The following XPOT variants were observed in gnomAD, a reference collection of about 807,000 sequenced individuals.
The protein encoded by XPOT is exportin-T.
A neutral mutation model predicts 128.2 loss-of-function variants in XPOT; 34 were observed. That is an observed-to-expected ratio of 0.27 (90% CI 0.20 to 0.35). XPOT has a LOEUF of 0.35. Among genes scored for constraint, XPOT ranks in the 10% least tolerant of loss-of-function variants. The pLI is 1.00. For missense variants in XPOT, 838 were observed against 1,125.3 expected (o/e 0.74, Z 3.65); for synonymous variants, 348 against 394.3 (o/e 0.88, Z 1.39).
intron 1 of XPOT, among the ~76,000 whole-genome samples, chr12:64,406,817 A>AG (rs1484325604): frequency 6.6e-6 from 1 of 152,158 alleles, no homozygotes; most frequent in Non-Finnish European, 1.5e-5. Context: ...CTTAACATTT[A>AG]GGGGGCGAAG....
intron 9 of XPOT, 57 bp downstream of exon 9, chr12:64,421,528 A>G: frequency 8.2e-7 from 1 of 1,215,458 alleles, no homozygotes. Context: ...GCCATGGAGA[A>G]GTGGAAAATA....
rs371344094 is a variant in XPOT, at chr12:64,425,428, G to A, written c.1543G>A (p.Val515Ile). 2 of 1,613,830 alleles carry A rather than the reference G, an allele frequency of 1.2e-6. No homozygotes were observed. Among genetic ancestry groups the A allele is most frequent in the African/African-American group, 2.7e-5 (2 of 74,908 alleles). Residue 515 changes from valine (V) to isoleucine (I), a missense_variant, in exon 14 of 25, where the codon GTT becomes ATT. This residue lies in a region of XPOT where 761 missense variants were observed against 988.3 expected (regional missense o/e 0.77). Transcript: ENST00000332707. Reference sequence around the variant, plus strand: ...TGTTAGATATGAAAAGTTTTTCACAGTTGAACCTCAGCACATTCCATGTGT... The same window carrying A: ...TGTTAGATATGAAAAGTTTTTCACAATTGAACCTCAGCACATTCCATGTGT... ...TVVRYEKFFT[V>I]EPQHIPCVLM...
chr12:64,428,114 T>G lies in XPOT; in HGVS notation c.1731T>G (p.Ser577=). 6.4e-7 allele frequency: 1 copy of G among 1,554,534 alleles called. No homozygotes were observed. The highest frequency in any genetic ancestry group is 8.9e-7 in the Non-Finnish European group (1 of 1,128,324). The change falls in exon 16 of 25, where the codon TCT becomes TCG. Residue 577 remains serine, a synonymous_variant. Transcript: ENST00000332707. ...LNRIQDLLEL[S]PPENGHQSLL... ...GAATACAAGATTTATTAGAGCTTTC[T>G]CCACCTGTAAGTATCTGTCTCTTTA... is the stretch of plus-strand genomic sequence containing the variant.
At chr12:64,431,479 C>T in intron 17 of XPOT, 59 bp from the exon 18 acceptor site, 2 of 1,551,008 alleles carry the variant, frequency 1.3e-6, no homozygotes, top group Non-Finnish European at 8.8e-7. Context: ...CTTTTGAATA[C>T]TCCATAACAC....
rs925480910 is a variant in XPOT at position 64,433,634 on chromosome 12, G to A, written c.2452+31G>A. 1.9e-6 allele frequency: 3 copies of A among 1,552,126 alleles called. No individual in the cohort carries two copies. The African/African-American group carries it at 4.1e-5, about 21-fold the overall frequency. On this transcript the variant is annotated intron_variant, in intron 19 of 24. Transcript: ENST00000332707. ...AACACATGCCATATCTAATTTGTCT[G>A]CTTAAGTCTGTGTCACTGTTGTACA...
At chr12:64,447,730 A>G (rs1349120052) in intron 24 of XPOT, among the ~76,000 whole-genome samples, 1 of 152,146 alleles carries the variant, frequency 6.6e-6, no homozygotes, top group African/African-American at 2.4e-5. Context: ...CGGCCTCCCA[A>G]AGTGCTGGGA....
intron 23 of XPOT, among the ~76,000 whole-genome samples, chr12:64,440,549 G>A (rs1037971262): frequency 6.6e-6 from 1 of 152,134 alleles, no homozygotes; most frequent in African/African-American, 2.4e-5. Context: ...ATTTTCTATA[G>A]TGGCTATACA....
chr12:64,422,677 T>A (rs2040149993), intron 9 of XPOT, among the ~76,000 whole-genome samples: 1 of 152,114 alleles, frequency 6.6e-6, no homozygotes, highest in Admixed American at 6.5e-5. Flanking sequence ...GGCGGGAGGA[T>A]TGTTTGAGGC....
At chr12:64,417,642 A>T (rs193068433) in intron 4 of XPOT, among the ~76,000 whole-genome samples, 1 of 152,324 alleles carries the variant, frequency 6.6e-6, no homozygotes, top group African/African-American at 2.4e-5. Flanking sequence ...TCTACATGAC[A>T]ATTCTCTCTT....
At chr12:64,424,549 G>A (rs777575528) in intron 11 of XPOT, 50 bp from the exon 12 acceptor site, 25 of 1,601,390 alleles carry the variant, frequency 1.6e-5, no homozygotes, top group Middle Eastern at 4.5e-4. Flanking sequence ...GGTTTGCTGC[G>A]CCGATCAACC....
chr12:64,414,997 A>G lies in XPOT; in HGVS notation c.143+8A>G. 2 of 1,582,108 alleles carry G rather than the reference A, an allele frequency of 1.3e-6. No individual in the cohort carries two copies. The highest frequency in any genetic ancestry group is 1.7e-6 in the Non-Finnish European group (2 of 1,151,956). On this transcript the variant is annotated splice_region_variant and intron_variant, in intron 3 of 24. Coordinates refer to ENST00000332707, the MANE Select transcript of XPOT (RefSeq NM_007235.6). The stretch of plus-strand genomic sequence containing the variant: ...AGCCCAGAGGACATACAGGTAATTA[A>G]AAACAAAATTTGCATGACAATTTAA...
chr12:64,441,634 CTTTG>C (rs1484765810), intron 23 of XPOT, among the ~76,000 whole-genome samples: 1 of 151,914 alleles, frequency 6.6e-6, no homozygotes, highest in African/African-American at 2.4e-5. Context: ...CTGTACGTCA[CTTTG>C]TTTTTTATTT....
rs1173455541 is a variant in XPOT at position 64,430,269 on chromosome 12, A to G, written c.1958A>G (p.His653Arg). ...RQASLADCLNHAVGFASRTSK... is the reference protein window; with the variant it reads ...RQASLADCLNRAVGFASRTSK... The stretch of plus-strand genomic sequence containing the variant: ...GCCTCTCTAGCAGACTGTCTTAACC[A>G]TGCTGTTGGATTTGCAAGGTAAGTG... The change falls in exon 17 of 25, where the codon CAT becomes CGT. Residue 653 changes from histidine to arginine, a missense_variant. Physicochemically the swap from His to Arg is conservative, Grantham distance 29. Around this residue, in one of 3 missense-constraint regions of XPOT, gnomAD observed 761 missense variants for 988.3 expected, o/e 0.77. Transcript: ENST00000332707. 21 of 1,579,006 alleles carry G rather than the reference A, an allele frequency of 1.3e-5. No homozygotes were observed. The highest frequency in any genetic ancestry group is 1.8e-5 in the Non-Finnish European group (21 of 1,166,506).
intron 1 of XPOT, among the ~76,000 whole-genome samples, chr12:64,405,654 G>T (rs1158133528): frequency 1.3e-5 from 2 of 152,036 alleles, no homozygotes; most frequent in Non-Finnish European, 2.9e-5. Flanking sequence ...AGTCTCGCTC[G>T]GTCGCCCAGG....
At chr12:64,415,997 C>T (rs892130655) in intron 3 of XPOT, among the ~76,000 whole-genome samples, 1 of 152,228 alleles carries the variant, frequency 6.6e-6, no homozygotes, top group East Asian at 1.9e-4. Flanking sequence ...TAACTTTTTA[C>T]GGAAATAGGA....
chr12:64,442,388 C>G (rs1370695231), intron 23 of XPOT: 1 of 152,624 alleles, frequency 6.6e-6, no homozygotes. Context: ...TGGCCTCGGC[C>G]TCCCAAAGTG....
Position 64,433,545 on chromosome 12 carries a change from C to G in XPOT, c.2394C>G (p.Tyr798Ter). The change falls in exon 19 of 25, where the codon TAC becomes TAG. Residue 798 changes from tyrosine to a stop codon, truncating the protein, a stop_gained. Transcript: ENST00000332707. LOFTEE classifies it high-confidence loss of function. ...AGAAGCAGATGTTGCGGAGGAGTTA[C>G]TTTGCTTTCCTGCAAACAGTCACAG... ...ALEKQMLRRS[Y>*]FAFLQTVTGS... The G allele has an allele frequency of 6.2e-7, 1 of 1,612,942 alleles. No homozygotes were observed. Among genetic ancestry groups the G allele is most frequent in the Non-Finnish European group, 8.5e-7 (1 of 1,179,292 alleles).
chr12:64,413,917 A>G (rs1028663952), intron 2 of XPOT, among the ~76,000 whole-genome samples: 3 of 152,250 alleles, frequency 2.0e-5, no homozygotes, highest in Admixed American at 6.5e-5. Context: ...AGTGGGAGAC[A>G]CCACCGTTTT....
chr12:64,441,771 C>T (rs2040326668), intron 23 of XPOT, among the ~76,000 whole-genome samples: 1 of 151,614 alleles, frequency 6.6e-6, no homozygotes, highest in Non-Finnish European at 1.5e-5. Context: ...TGCATGCAAC[C>T]TCCGCCTCCC....
Sources: allele counts gnomAD v4.1 joint callset (sites outside exome capture counted in the v4.1 genomes callset), GRCh38; gene constraint gnomAD v4.1.1; regional missense constraint gnomAD v4.1.1; transcripts MANE v1.5; gene names NCBI Gene and HGNC (gene_info 2026-07-23, HGNC 2026-07-21).